Variants in CCSER1 observed in about 807,000 individuals in gnomAD.
CCSER1 encodes the protein serine-rich coiled-coil domain-containing protein 1.
A neutral mutation model predicts 82.0 loss-of-function variants in CCSER1; 41 were observed. The ratio of observed to expected loss-of-function variants is 0.50; its 90% CI spans 0.39 to 0.65. CCSER1 has a LOEUF of 0.65. CCSER1 is among the 30% of genes least tolerant of loss of function. The pLI is 0.00. For missense variants in CCSER1, 1,119 were observed against 1,064.2 expected (o/e 1.05, Z -0.72); for synonymous variants, 414 against 383.9 (o/e 1.08, Z -0.92).
rs139465488 is a variant in CCSER1 at position 90,862,930 on chromosome 4, A to G, written c.2094+47085A>G. Among the ~76,000 whole-genome samples the G allele has an allele frequency of 4.5e-4, 66 of 145,630 alleles. 1 individual carries two copies. In the East Asian group the frequency reaches 0.011, roughly 25 times the overall value. On this transcript the variant is annotated intron_variant, in intron 8 of 10. Transcript: ENST00000509176. ...GTCTTTTTTTTTTTTTTTTTGAGAAACAATTTCTTTTTATTATTATTATTA... is the reference window on the plus strand; with the variant it reads ...GTCTTTTTTTTTTTTTTTTTGAGAAGCAATTTCTTTTTATTATTATTATTA...
intron 4 of CCSER1, among the ~76,000 whole-genome samples, chr4:90,424,924 G>A (rs1168215291): frequency 3.3e-5 from 5 of 152,180 alleles, no homozygotes; most frequent in Admixed American, 2.6e-4. Context: ...TTGAAACCAG[G>A]TGTCACTAGT....
chr4:90,410,544 G>A (rs1294083087), intron 4 of CCSER1, among the ~76,000 whole-genome samples: 1 of 152,126 alleles, frequency 6.6e-6, no homozygotes, highest in Non-Finnish European at 1.5e-5. Context: ...GGTACATAAT[G>A]AAATGAAGCA....
intron 10 of CCSER1, among the ~76,000 whole-genome samples, chr4:91,253,332 T>G (rs1740407130): frequency 6.6e-6 from 1 of 152,170 alleles, no homozygotes; most frequent in African/African-American, 2.4e-5. Flanking sequence ...AAAATATGTG[T>G]TAATCAATTG....
At chr4:91,434,311 A>G (rs973568147) in intron 10 of CCSER1, among the ~76,000 whole-genome samples, 2 of 152,170 alleles carry the variant, frequency 1.3e-5, no homozygotes, top group African/African-American at 4.8e-5. Context: ...CGTAATTAGA[A>G]TATGGAAAAA....
At chr4:90,574,451 G>A (rs1485013358) in intron 5 of CCSER1, among the ~76,000 whole-genome samples, 1 of 149,862 alleles carries the variant, frequency 6.7e-6, no homozygotes, top group African/African-American at 2.5e-5. Context: ...TGTATTTTTA[G>A]TAGAGACGGG....
intron 5 of CCSER1, among the ~76,000 whole-genome samples, chr4:90,542,727 A>G (rs150201648): frequency 1.9e-4 from 29 of 152,274 alleles, no homozygotes; most frequent in African/African-American, 5.8e-4. Flanking sequence ...GATAATTTTT[A>G]AAAGTCAATT....
chr4:90,949,707 T>C (rs1337416857), intron 9 of CCSER1, among the ~76,000 whole-genome samples: 1 of 152,166 alleles, frequency 6.6e-6, no homozygotes, highest in Non-Finnish European at 1.5e-5. Context: ...GCATACACAG[T>C]AGGCAAAATA....
intron 7 of CCSER1, among the ~76,000 whole-genome samples, chr4:90,751,349 A>T (rs551484605): frequency 6.6e-6 from 1 of 152,260 alleles, no homozygotes; most frequent in South Asian, 2.1e-4. Context: ...TTTATGTGGT[A>T]AAAACAGCGT....
chr4:90,601,641 C>CTTT (rs139381288), intron 5 of CCSER1, among the ~76,000 whole-genome samples: 3 of 143,866 alleles, frequency 2.1e-5, no homozygotes, highest in Admixed American at 6.9e-5. Flanking sequence ...AGCTGGATGG[C>CTTT]TTTTTTTTTT....
At chr4:91,496,616 A>T (rs796957061) in intron 10 of CCSER1, among the ~76,000 whole-genome samples, 1 of 21,024 alleles carries the variant, frequency 4.8e-5, no homozygotes, top group Non-Finnish European at 9.8e-5. Context: ...ATATATATAC[A>T]CGAATATATA....
At chr4:90,745,163 A>C (rs1381229528) in intron 7 of CCSER1, among the ~76,000 whole-genome samples, 2 of 152,214 alleles carry the variant, frequency 1.3e-5, no homozygotes, top group East Asian at 3.9e-4. Flanking sequence ...TGAAGGCTAT[A>C]AGGGACAGTT....
chr4:90,710,674 G>A (rs1264891461), intron 6 of CCSER1, among the ~76,000 whole-genome samples: 1 of 151,964 alleles, frequency 6.6e-6, no homozygotes, highest in Non-Finnish European at 1.5e-5. Flanking sequence ...TCTCTCTTCT[G>A]CTTCATTGGT....
chr4:90,128,534 C>A (rs1294361339), intron 1 of CCSER1, among the ~76,000 whole-genome samples: 2 of 151,824 alleles, frequency 1.3e-5, no homozygotes, highest in Non-Finnish European at 2.9e-5. Context: ...CGCGCGCGCT[C>A]TGGACTAACC....
intron 8 of CCSER1, among the ~76,000 whole-genome samples, chr4:90,863,021 G>A (rs1765288156): frequency 6.7e-6 from 1 of 148,460 alleles, no homozygotes; most frequent in African/African-American, 2.5e-5. Flanking sequence ...CATGTGCCAT[G>A]CTGGTGTGCT....
intron 10 of CCSER1, among the ~76,000 whole-genome samples, chr4:91,098,862 A>G (rs1003611943): frequency 6.6e-6 from 1 of 151,948 alleles, no homozygotes; most frequent in Non-Finnish European, 1.5e-5. Context: ...TTTTAAAGGG[A>G]TAAAAGAAGA....
chr4:91,556,164 C>T (rs1762388960), intron 10 of CCSER1, among the ~76,000 whole-genome samples: 1 of 151,124 alleles, frequency 6.6e-6, no homozygotes, highest in African/African-American at 2.4e-5. Context: ...GAAGGTCAGG[C>T]CCAAGAAATG....
chr4:90,864,700 A>G (rs1398052514), intron 8 of CCSER1, among the ~76,000 whole-genome samples: 1 of 152,002 alleles, frequency 6.6e-6, no homozygotes, highest in Non-Finnish European at 1.5e-5. Context: ...TAGATGCAAA[A>G]CATCCCTTGA....
intron 6 of CCSER1, among the ~76,000 whole-genome samples, chr4:90,705,519 T>G (rs553423598): frequency 6.6e-6 from 1 of 152,348 alleles, no homozygotes; most frequent in East Asian, 1.9e-4. Context: ...GGGACATTTA[T>G]GTCTGCAGAG....
At chr4:91,335,641 C>G (rs1022056477) in intron 10 of CCSER1, among the ~76,000 whole-genome samples, 1 of 151,968 alleles carries the variant, frequency 6.6e-6, no homozygotes, top group African/African-American at 2.4e-5. Flanking sequence ...GGAGAGAAAA[C>G]AGAGACTTCT....
Sources: allele counts gnomAD v4.1 joint callset (sites outside exome capture counted in the v4.1 genomes callset), GRCh38; gene constraint gnomAD v4.1.1; transcripts MANE v1.5; gene names NCBI Gene and HGNC (gene_info 2026-07-23, HGNC 2026-07-21).